NOP9: variants seen among roughly 807,000 people sequenced by gnomAD.
The protein encoded by NOP9 is nucleolar protein 9.
A neutral mutation model predicts 63.0 loss-of-function variants in NOP9; 50 were observed. That is an observed-to-expected ratio of 0.79 (90% confidence interval 0.63 to 1.00). The LOEUF (loss-of-function observed/expected upper bound fraction) is 1.00. Ranked by LOEUF, NOP9 falls within the 50% of genes least tolerant of loss-of-function variation. The pLI, the probability that NOP9 is intolerant of heterozygous loss-of-function variation, is 0.00. For missense variants in NOP9, 758 were observed against 803.0 expected, an observed-to-expected ratio of 0.94 and a Z score of 0.68; for synonymous variants, 343 against 332.8, an observed-to-expected ratio of 1.03 and a Z score of -0.33.
rs116008439 is a variant in NOP9 at position 24,299,911 on chromosome 14, G to C, written c.-44G>C. On this transcript the variant is annotated 5_prime_UTR_variant, in exon 1 of 10. Coordinates refer to ENST00000267425, the MANE Select transcript of NOP9 (RefSeq NM_174913.3). ...GCTTGGCGACGTCGAAGGTCCGTCC[G>C]CAGTTAAGGAAGCTTTTGCAGCCGG... The C allele has an allele frequency of 1.3e-6, 2 of 1,506,694 alleles. No homozygotes were observed. The highest frequency in any genetic ancestry group is 2.8e-5 in the African/African-American group (2 of 71,482). The allele number at this position is 1,506,694 out of a possible 1,614,324, so 93.3% of individuals were successfully genotyped here.
At chr14:24,288,644 G>T in the NOP9 span, among the ~76,000 whole-genome samples, 1 of 152,062 alleles carries the variant, frequency 6.6e-6, no homozygotes, top group Non-Finnish European at 1.5e-5. Context: ...CACCGCGCCC[G>T]ACCAGGAATT....
upstream of NOP9, chr14:24,296,772 T>C (rs928971164): frequency 1.9e-6 from 3 of 1,614,068 alleles, no homozygotes; most frequent in Admixed American, 1.7e-5. Context: ...GACCAGCACA[T>C]CTAGACGCCC....
chr14:24,298,954 C>T (rs1347587886), upstream of NOP9: 1 of 1,601,094 alleles, frequency 6.2e-7, no homozygotes, highest in South Asian at 1.1e-5. Context: ...AGGAAGCACT[C>T]ACCTCCTGAG....
the NOP9 span, among the ~76,000 whole-genome samples, chr14:24,288,901 G>A: frequency 1.5e-4 from 23 of 151,878 alleles, no homozygotes; most frequent in Non-Finnish European, 3.1e-4. Flanking sequence ...CTGTAGTGGC[G>A]TGATCACGCT....
chr14:24,291,151 G>A, the NOP9 span: 46 of 1,613,992 alleles, frequency 2.9e-5, no homozygotes, highest in Non-Finnish European at 3.5e-5. Context: ...TCCACATCCC[G>A]AAGGCCATAG....
chr14:24,299,280 T>A (rs1040746795), upstream of NOP9: 1 of 705,124 alleles, frequency 1.4e-6, no homozygotes, highest in Non-Finnish European at 2.3e-6. Context: ...GGCTGACAAC[T>A]GGGTGCGGGC....
Position 24,305,795 on chromosome 14 carries a change from T to A in NOP9, c.*700T>A. On this transcript the variant is annotated 3_prime_UTR_variant, in exon 10 of 10. Transcript: ENST00000267425. ...ATGGCAGAGACAAGAGGAAATCAGA[T>A]GATTTGGAAAACTTGGGAGGAAGCC... 26 of 1,607,960 alleles carry A rather than the reference T, an allele frequency of 1.6e-5. No homozygotes were observed. Among genetic ancestry groups the A allele is most frequent in the Non-Finnish European group, 2.2e-5 (26 of 1,176,794 alleles).
chr14:24,306,580 T>G lies in NOP9; in HGVS notation c.*1485T>G, dbSNP rs2041516054. On this transcript the variant is annotated 3_prime_UTR_variant, in exon 10 of 10. Coordinates refer to ENST00000267425, the MANE Select transcript of NOP9 (RefSeq NM_174913.3). ...TCTTATCCCATGCCCCTTCCCTCTT[T>G]AGCTGCCCAACATCCATCAGTTGGC... is the stretch of plus-strand genomic sequence containing the variant. The G allele has an allele frequency of 6.2e-7, 1 of 1,609,386 alleles. No homozygotes were observed. Among genetic ancestry groups the G allele is most frequent in the Admixed American group, 1.7e-5 (1 of 59,904 alleles).
In NOP9 at chr14:24,306,640, C is replaced by T. The variant is rs2281472; in HGVS notation, c.*1545C>T. 0.76 allele frequency: 1,035,822 copies of T among 1,362,164 alleles called. 395,687 individuals are homozygous for T. The highest frequency in any genetic ancestry group is 0.85 in the Middle Eastern group (4,418 of 5,210). The allele number at this position is 1,362,164 out of a possible 1,614,324, so 84.4% of individuals were successfully genotyped here. On this transcript the variant is annotated 3_prime_UTR_variant, in exon 10 of 10. Transcript: ENST00000267425. ...TGGTCGATGTCCCACTTTGACTTTC[C>T]GGCACTTTGATACCTCCTAAAGGTT...
Position 24,300,494 on chromosome 14 carries a change from G to C in NOP9, c.334G>C (p.Glu112Gln), listed in dbSNP as rs143657838. The C allele has an allele frequency of 3.6e-5, 58 of 1,614,264 alleles. No individual in the cohort carries two copies. In the African/African-American group the frequency reaches 7.3e-4, roughly 20 times the overall value. ...TNRTGSEMLQ[E>Q]LLGFSPLKPL... ...CAGGACTGGCAGTGAGATGCTGCAG[G>C]AACTGTTGGGATTCAGTCCCTTGAA... Residue 112 changes from glutamate to glutamine, a missense_variant, in exon 2 of 10, where the codon GAA (glutamate) becomes CAA (glutamine). Glu to Gln is a conservative substitution (Grantham distance 29). Transcript: ENST00000267425.
rs1339131387 is a variant in NOP9 at position 24,304,046 on chromosome 14, A to C, written c.1416A>C (p.Ala472=). The change falls in exon 8 of 10, where the codon GCA becomes GCC. Residue 472 remains alanine, a synonymous_variant. Transcript: ENST00000267425. ...TCTTATCTCTGCGCTGCCAGGTGGC[A>C]ATGGCCGCAGCCAGAGCCTTGGGGG... ...EGAVPAEHQV[A]MAAARALGDV... 2 of 1,613,714 alleles carry C rather than the reference A, an allele frequency of 1.2e-6. No homozygotes were observed. Among genetic ancestry groups the C allele is most frequent in the East Asian group, 4.5e-5 (2 of 44,902 alleles).
intron 9 of NOP9, 82 bp from the exon 10 acceptor site, chr14:24,304,856 G>C (rs1486677148): frequency 1.4e-6 from 2 of 1,433,680 alleles, no homozygotes; most frequent in Non-Finnish European, 1.9e-6. Context: ...CCCAGGGTCT[G>C]GGGGAAATGG....
chr14:24,303,162 C>T lies in NOP9; in HGVS notation c.1232C>T (p.Ala411Val), dbSNP rs777762253. 3 of 1,613,808 alleles carry T rather than the reference C, an allele frequency of 1.9e-6. No homozygotes were observed. Among genetic ancestry groups the T allele is most frequent in the East Asian group, 2.2e-5 (1 of 44,864 alleles). Residue 411 changes from alanine to valine, a missense_variant, in exon 6 of 10, where the codon GCC (alanine) becomes GTC (valine). Coordinates refer to ENST00000267425, the MANE Select transcript of NOP9 (RefSeq NM_174913.3). ...GGGGTAGTCATTGCCCTGGTGGGGG[C>T]CTGTCGCAGAGTTGGGGCCTACCAA... ...HPGVVIALVG[A>V]CRRVGAYQAK... is the part of the protein sequence containing the mutation.
chr14:24,271,673 G>A, the NOP9 span: 1 of 152,638 alleles, frequency 6.6e-6, no homozygotes, highest in Non-Finnish European at 1.5e-5. Flanking sequence ...TCGCTGTCCG[G>A]AAACGCCTCG....
chr14:24,275,788 G>C, the NOP9 span, among the ~76,000 whole-genome samples: 694 of 152,358 alleles, frequency 4.6e-3, 7 homozygotes, highest in African/African-American at 0.016. Flanking sequence ...GTGTGTGGTA[G>C]TGTGTGCATT....
chr14:24,280,794 T>A, the NOP9 span, among the ~76,000 whole-genome samples: 1 of 151,984 alleles, frequency 6.6e-6, no homozygotes, highest in Non-Finnish European at 1.5e-5. Context: ...TGGGAAAGAA[T>A]GAATGAATGA....
the NOP9 span, chr14:24,291,427 G>A: frequency 8.7e-7 from 1 of 1,146,654 alleles, no homozygotes; most frequent in South Asian, 1.2e-5. Flanking sequence ...TGACCCCTTG[G>A]GCCTCAAAAA....
Position 24,306,306 on chromosome 14 carries a change from C to A in NOP9, c.*1211C>A. On this transcript the variant is annotated 3_prime_UTR_variant, in exon 10 of 10. Transcript: ENST00000267425. Reference sequence around the variant, plus strand: ...CCTGGTCCCCAGGATCAGGGTTAAGCTAGAGAGGAAGCCCGGGAAAGCTCT... The same window carrying A: ...CCTGGTCCCCAGGATCAGGGTTAAGATAGAGAGGAAGCCCGGGAAAGCTCT... The A allele has an allele frequency of 6.2e-7, 1 of 1,601,652 alleles. No individual in the cohort carries two copies. Among genetic ancestry groups the A allele is most frequent in the Non-Finnish European group, 8.5e-7 (1 of 1,170,194 alleles).
At position 24,305,978 on chromosome 14, in the gene NOP9, A is replaced by G. The variant is rs1448120283; in HGVS notation, c.*883A>G. The G allele has an allele frequency of 1.2e-6, 2 of 1,614,114 alleles. No individual in the cohort carries two copies. The highest frequency in any genetic ancestry group is 2.2e-5 in the South Asian group (2 of 91,080). ...ACTTTCTTTGGGCCAAGTCCTTGAA[A>G]GTCACAACTCATAGAGTAGAGCCCG... On this transcript the variant is annotated 3_prime_UTR_variant, in exon 10 of 10. Coordinates refer to ENST00000267425, the MANE Select transcript of NOP9 (RefSeq NM_174913.3).
Sources: allele counts gnomAD v4.1 joint callset (sites outside exome capture counted in the v4.1 genomes callset), GRCh38; gene constraint gnomAD v4.1.1; transcripts MANE v1.5; gene names NCBI Gene and HGNC (gene_info 2026-07-23, HGNC 2026-07-21).